MMS19: variants seen among roughly 807,000 people sequenced by gnomAD.
MMS19 encodes the protein MMS19 nucleotide excision repair protein homolog.
MMS19 carries 77 observed loss-of-function variants against 129.8 expected under a neutral mutation model. The ratio of observed to expected loss-of-function variants is 0.59; its 90% confidence interval spans 0.49 to 0.72. MMS19 has a LOEUF of 0.72. Ranked by LOEUF, MMS19 falls within the 30% of genes least tolerant of loss-of-function variation. The pLI is 0.00. For synonymous variants in MMS19, 491 were observed against 502.8 expected (o/e 0.98, Z 0.31); for missense variants, 1,168 against 1,266.3 (o/e 0.92, Z 1.18).
In MMS19 at chr10:97,470,788, G is replaced by C. The variant is rs1392953500; in HGVS notation, c.758C>G (p.Pro253Arg). Residue 253 changes from proline (P) to arginine (R), a missense_variant, in exon 9 of 31, where the codon CCA (proline) becomes CGA (arginine). Pro to Arg is a moderately radical substitution (Grantham distance 103, BLOSUM62 -2). Transcript: ENST00000438925. ...LSLRAVLAST[P>R]RFAEFLLPLL... The stretch of plus-strand genomic sequence containing the variant: ...GGCTAGACCCACCTCAGCAAATCGT[G>C]GTGTAGAAGCCAGCACAGCGCGAAG... 4 of 1,612,466 alleles carry C rather than the reference G, an allele frequency of 2.5e-6. No homozygotes were observed. Among genetic ancestry groups the C allele is most frequent in the African/African-American group, 1.3e-5 (1 of 74,866 alleles).
chr10:97,468,927 T>C (rs761821035), intron 12 of MMS19, 39 bp downstream of exon 12: 2 of 1,564,006 alleles, frequency 1.3e-6, no homozygotes, highest in South Asian at 2.3e-5. Context: ...TCGTTTCTAT[T>C]GTGCTCACTC....
At position 97,477,369 on chromosome 10, in the gene MMS19, A is replaced by G. The variant is rs1172995165; in HGVS notation, c.471T>C (p.Asn157=). ...DRHTVYNIIT[N]FMRTREEELK... Reference sequence around the variant, plus strand: ...TACCTTCTTCCCGGGTTCGCATAAAATTGGTGATGATATTGTAGACTGTGT... The same window carrying G: ...TACCTTCTTCCCGGGTTCGCATAAAGTTGGTGATGATATTGTAGACTGTGT... Residue 157 remains asparagine, a synonymous_variant, in exon 6 of 31, where the codon AAT becomes AAC. Transcript: ENST00000438925. 1.2e-6 allele frequency: 2 copies of G among 1,613,856 alleles called. No individual in the cohort carries two copies. Among genetic ancestry groups the G allele is most frequent in the Non-Finnish European group, 1.7e-6 (2 of 1,179,888 alleles).
intron 8 of MMS19, among the ~76,000 whole-genome samples, chr10:97,476,078 A>C (rs2035703334): frequency 6.6e-6 from 1 of 152,176 alleles, no homozygotes; most frequent in Admixed American, 6.5e-5. Context: ...CAGCACACAC[A>C]CCCACACGGT....
chr10:97,462,513 T>G (rs2032271074), intron 20 of MMS19, 70 bp downstream of exon 20: 1 of 1,085,922 alleles, frequency 9.2e-7, no homozygotes, highest in East Asian at 2.4e-5. Context: ...ACAAGGCAGC[T>G]ACCTGTTGCT....
chr10:97,464,610 G>C (rs928049696), intron 18 of MMS19, among the ~76,000 whole-genome samples: 2 of 152,048 alleles, frequency 1.3e-5, no homozygotes, highest in Non-Finnish European at 2.9e-5. Context: ...CCATGCTGCT[G>C]GTTAACAGAC....
chr10:97,498,587 T>C, upstream of MMS19: 2 of 581,374 alleles, frequency 3.4e-6, no homozygotes, highest in Non-Finnish European at 5.7e-6. Context: ...AGGCGGCTGC[T>C]GGGCACGCAG....
chr10:97,464,790 C>T (rs906824169), intron 18 of MMS19, among the ~76,000 whole-genome samples: 2 of 151,864 alleles, frequency 1.3e-5, no homozygotes, highest in Non-Finnish European at 2.9e-5. Flanking sequence ...CTCTGCCTCC[C>T]GGGCTCAAAG....
intron 1 of MMS19, among the ~76,000 whole-genome samples, chr10:97,492,946 A>T (rs2039178396): frequency 6.6e-6 from 1 of 151,722 alleles, no homozygotes; most frequent in African/African-American, 2.4e-5. Context: ...AGGGCTTAAG[A>T]TAGAAATATG....
In MMS19 at chr10:97,476,822, TACC is replaced by T; in HGVS notation, c.622+10_622+12del. On this transcript the variant is annotated intron_variant, in intron 7 of 30. Coordinates refer to ENST00000438925, the MANE Select transcript of MMS19 (RefSeq NM_022362.5). The stretch of plus-strand genomic sequence containing the variant: ...AAAGCTCCAATGAGCTAATCATGGC[TACC>T]ACGATATACCCAGGCTATAGTCCCT... 1 of 1,613,994 alleles carries T rather than the reference TACC, an allele frequency of 6.2e-7. No individual in the cohort carries two copies. Among genetic ancestry groups the T allele is most frequent in the Non-Finnish European group, 8.5e-7 (1 of 1,179,868 alleles).
At position 97,468,951 on chromosome 10, in the gene MMS19, C is replaced by A; in HGVS notation, c.1063+15G>T. ...TTGTGCTCACTCCCCTTCCTGGCTG[C>A]CACGGCCCCATTACCCTGTAGAATG... On this transcript the variant is annotated intron_variant, in intron 12 of 30. Transcript: ENST00000438925. 6.3e-7 allele frequency: 1 copy of A among 1,579,134 alleles called. No homozygotes were observed.
chr10:97,487,086 T>C (rs2038040244), intron 1 of MMS19, among the ~76,000 whole-genome samples: 1 of 151,310 alleles, frequency 6.6e-6, no homozygotes, highest in Non-Finnish European at 1.5e-5. Flanking sequence ...AAACAACCAG[T>C]GCAGTTTCAA....
At chr10:97,498,175 A>G in intron 1 of MMS19, 98 bp downstream of exon 1, 1 of 1,200,728 alleles carries the variant, frequency 8.3e-7, no homozygotes, top group South Asian at 1.4e-5. Context: ...CAATCTCTCA[A>G]AGTCACCCCG....
chr10:97,495,236 A>G (rs1361244301), intron 1 of MMS19, among the ~76,000 whole-genome samples: 6 of 152,216 alleles, frequency 3.9e-5, no homozygotes, highest in African/African-American at 1.4e-4. Flanking sequence ...TGAGAAAAAA[A>G]GGCTGGGGCC....
Position 97,482,737 on chromosome 10 carries a change from TACACACACACACACAC to T in MMS19, c.161+1350_161+1365del, listed in dbSNP as rs764606344. ...GTGTGTGTGTGTGTGTGTATATATA[TACACACACACACACAC>T]ACACACACACACACATATATTTTTT... On this transcript the variant is annotated intron_variant, in intron 2 of 30. Transcript: ENST00000438925. Among the ~76,000 whole-genome samples, 3 of 98,446 alleles carry T rather than the reference TACACACACACACACAC, an allele frequency of 3.0e-5. No homozygotes were observed. The East Asian group carries it at 1.2e-3, about 38-fold the overall frequency. 64.6% of individuals were successfully genotyped at this position (98,446 alleles called of 152,430 possible).
chr10:97,463,035 A>C (rs952819667), intron 19 of MMS19: 12 of 252,862 alleles, frequency 4.7e-5, no homozygotes, highest in African/African-American at 2.7e-4. Flanking sequence ...TCTCTGAAAA[A>C]ATTAAAAACA....
In MMS19 at chr10:97,462,133, A is replaced by G; in HGVS notation, c.2013-14T>C. 6.5e-7 allele frequency: 1 copy of G among 1,535,126 alleles called. No homozygotes were observed. Among genetic ancestry groups the G allele is most frequent in the Non-Finnish European group, 8.9e-7 (1 of 1,128,218 alleles). On this transcript the variant is annotated splice_polypyrimidine_tract_variant and intron_variant, in intron 20 of 30. Coordinates refer to ENST00000438925, the MANE Select transcript of MMS19 (RefSeq NM_022362.5). ...TGGGCAGCTAACCTGGGGGCAGAGT[A>G]CTAGGTATGACCAAGGAGCTAGGAT...
Position 97,460,908 on chromosome 10 carries a change from C to A in MMS19, c.2411G>T (p.Trp804Leu). 6.3e-7 allele frequency: 1 copy of A among 1,576,826 alleles called. No individual in the cohort carries two copies. The highest frequency in any genetic ancestry group is 2.3e-5 in the East Asian group (1 of 42,954). ...CCAGACTCCACTCCAACTCCTTACC[C>A]AGAGAAGAAGAGTGAAGGCCTGACT... ...CRSQAFTLLL[W>L]VTKALVLRYH... The change falls in exon 24 of 31, where the codon TGG becomes TTG. Residue 804 changes from tryptophan to leucine, a missense_variant and splice_region_variant. Physicochemically the swap from Trp to Leu is moderately conservative, Grantham distance 61. Coordinates refer to ENST00000438925, the MANE Select transcript of MMS19 (RefSeq NM_022362.5).
At chr10:97,483,073 T>G (rs2037169468) in intron 2 of MMS19, among the ~76,000 whole-genome samples, 1 of 151,882 alleles carries the variant, frequency 6.6e-6, no homozygotes, top group Non-Finnish European at 1.5e-5. Flanking sequence ...ATATATTTTT[T>G]GATGGGGGTC....
At chr10:97,483,049 C>T (rs368119041) in intron 2 of MMS19, among the ~76,000 whole-genome samples, 57 of 151,906 alleles carry the variant, frequency 3.8e-4, no homozygotes, top group Admixed American at 1.4e-3. Flanking sequence ...CATGAGCCAC[C>T]GCACCTGGCC....
Sources: allele counts gnomAD v4.1 joint callset (sites outside exome capture counted in the v4.1 genomes callset), GRCh38; gene constraint gnomAD v4.1.1; transcripts MANE v1.5; gene names NCBI Gene and HGNC (gene_info 2026-07-23, HGNC 2026-07-21).